CTTNBP2: variants seen among roughly 807,000 people sequenced by gnomAD.
CTTNBP2 encodes the protein cortactin-binding protein 2.
Under a neutral mutation model 156.9 loss-of-function variants are expected in CTTNBP2, and 108 were observed. The ratio of observed to expected loss-of-function variants is 0.69; its 90% CI spans 0.59 to 0.81. The LOEUF (loss-of-function observed/expected upper bound fraction) is 0.81, where lower values mean the gene tolerates loss of function less well. Ranked by LOEUF, CTTNBP2 falls within the 30% of genes least tolerant of loss-of-function variation. The pLI is 0.00. For missense variants in CTTNBP2, 1,924 were observed against 2,035.4 expected, an observed-to-expected ratio of 0.95 and a Z score of 1.05; for synonymous variants, 767 against 751.8, an observed-to-expected ratio of 1.02 and a Z score of -0.33.
In CTTNBP2 at chr7:117,791,937, G is replaced by C. The variant is rs1037574597; in HGVS notation, c.1259C>G (p.Ser420Trp). The C allele has an allele frequency of 1.2e-6, 2 of 1,614,040 alleles. No homozygotes were observed. The highest frequency in any genetic ancestry group is 1.3e-5 in the African/African-American group (1 of 74,932). The stretch of plus-strand genomic sequence containing the variant: ...TAAACTGTGCATAGGTGGAGCTTGC[G>C]AGTTCTGAGGAGCTATGCCTGGTGT... ...AQTPGIAPQN[S>W]QAPPMHSLHS... The change falls in exon 4 of 23, where the codon TCG becomes TGG. Residue 420 changes from serine (S) to tryptophan (W), a missense_variant. Physicochemically the swap from Ser to Trp is radical, Grantham distance 177. Transcript: ENST00000160373.
At chr7:117,719,953 ATGTG>A (rs1794687484) in intron 20 of CTTNBP2, among the ~76,000 whole-genome samples, 1 of 152,184 alleles carries the variant, frequency 6.6e-6, no homozygotes, top group East Asian at 1.9e-4. Context: ...ATAGGGGACA[ATGTG>A]ATAAAATGGG....
At chr7:117,722,628 A>C (rs1158951442) in intron 19 of CTTNBP2, among the ~76,000 whole-genome samples, 1 of 152,178 alleles carries the variant, frequency 6.6e-6, no homozygotes, top group Non-Finnish European at 1.5e-5. Context: ...TACTGCTTTA[A>C]ATTCATATTC....
intron 3 of CTTNBP2, among the ~76,000 whole-genome samples, chr7:117,798,689 G>A (rs1248397187): frequency 6.6e-6 from 1 of 151,960 alleles, no homozygotes; most frequent in Non-Finnish European, 1.5e-5. Flanking sequence ...GGAAAAGATG[G>A]ACAAAGTAAA....
intron 8 of CTTNBP2, among the ~76,000 whole-genome samples, chr7:117,772,643 A>G (rs1450273431): frequency 1.3e-5 from 2 of 152,206 alleles, no homozygotes; most frequent in African/African-American, 4.8e-5. Context: ...AAAACTGGAA[A>G]GTTTGTTCCC....
At chr7:117,810,160 G>A (rs1800184053) in intron 3 of CTTNBP2, among the ~76,000 whole-genome samples, 1 of 152,174 alleles carries the variant, frequency 6.6e-6, no homozygotes, top group Admixed American at 6.6e-5. Flanking sequence ...TGAAACACAT[G>A]TGAGCAGGAG....
intron 2 of CTTNBP2, among the ~76,000 whole-genome samples, chr7:117,844,946 G>A (rs2117155620): frequency 6.6e-6 from 1 of 152,280 alleles, no homozygotes; most frequent in East Asian, 1.9e-4. Flanking sequence ...AAGAAAGTTT[G>A]AAAGAATCTA....
intron 22 of CTTNBP2, among the ~76,000 whole-genome samples, chr7:117,716,341 C>A (rs534457802): frequency 2.0e-5 from 3 of 151,946 alleles, no homozygotes; most frequent in Non-Finnish European, 4.4e-5. Context: ...TAAGCAGCAG[C>A]CATTCTCTAT....
chr7:117,714,084 C>G (rs555780729), intron 22 of CTTNBP2: 1 of 152,324 alleles, frequency 6.6e-6, no homozygotes, highest in African/African-American at 2.4e-5. Context: ...GGGAACACAT[C>G]CTAGTCCATC....
At chr7:117,735,130 C>A (rs1357068701) in intron 15 of CTTNBP2, 30 bp from the exon 16 acceptor site, 7 of 1,604,656 alleles carry the variant, frequency 4.4e-6, no homozygotes, top group Non-Finnish European at 6.0e-6. Context: ...AATGGCCCAT[C>A]CTCAGTGAGT....
intron 14 of CTTNBP2, among the ~76,000 whole-genome samples, chr7:117,741,829 G>T (rs1034056345): frequency 2.0e-5 from 3 of 152,100 alleles, no homozygotes; most frequent in African/African-American, 7.2e-5. Flanking sequence ...AGTTCTACTT[G>T]CTGCCACCTG....
intron 8 of CTTNBP2, among the ~76,000 whole-genome samples, chr7:117,774,570 T>C (rs1156549998): frequency 6.6e-6 from 1 of 152,094 alleles, no homozygotes; most frequent in Non-Finnish European, 1.5e-5. Context: ...GAGATATAGG[T>C]TGCATGCTCC....
chr7:117,711,665 G>A lies in CTTNBP2; in HGVS notation c.4864C>T (p.Gln1622Ter), dbSNP rs1169262080. The A allele has an allele frequency of 6.2e-7, 1 of 1,613,968 alleles. No individual in the cohort carries two copies. The highest frequency in any genetic ancestry group is 8.5e-7 in the Non-Finnish European group (1 of 1,179,924). ...CTTCTTTTGGTGTTCTGGGAACACT[G>A]GGTGACTTTACTTCTAGGAACAGGA... is the stretch of plus-strand genomic sequence containing the variant. ...FLPVPRSKVT[Q>*]CSQNTKRSSS... is the part of the protein sequence containing the mutation. The change falls in exon 23 of 23, where the codon CAG becomes TAG. Residue 1622 changes from glutamine to a stop codon, truncating the protein, a stop_gained. Transcript: ENST00000160373. LOFTEE classifies it high-confidence loss of function.
In CTTNBP2 at chr7:117,711,393, C is replaced by A; in HGVS notation, c.*144G>T. The A allele has an allele frequency of 1.1e-5, 9 of 843,836 alleles. No homozygotes were observed. Among genetic ancestry groups the A allele is most frequent in the East Asian group, 2.9e-5 (1 of 34,716 alleles). 52.3% of individuals were successfully genotyped at this position (843,836 alleles called of 1,614,324 possible). The stretch of plus-strand genomic sequence containing the variant: ...ATGTTGGTTATAAATACATTCTTTA[C>A]AAAAAAAAATTGAATAGTGGTCCCG... On this transcript the variant is annotated 3_prime_UTR_variant, in exon 23 of 23. Transcript: ENST00000160373.
rs779566358 is a variant in CTTNBP2 at position 117,810,832 on chromosome 7, G to A, written c.347C>T (p.Ala116Val). ...CCTTTCTTGCATTTTCTTGCAGTGGGCCATGACTGCTTCAAGGATGGAGAG... is the reference window on the plus strand; with the variant it reads ...CCTTTCTTGCATTTTCTTGCAGTGGACCATGACTGCTTCAAGGATGGAGAG... Reference protein sequence around the residue: ...NPLSILEAVMAHCKKMQERMS... With the variant: ...NPLSILEAVMVHCKKMQERMS... Residue 116 changes from alanine to valine, a missense_variant, in exon 3 of 23, where the codon GCC becomes GTC. Physicochemically the swap from Ala to Val is moderately conservative, Grantham distance 64. Transcript: ENST00000160373. 2.5e-6 allele frequency: 4 copies of A among 1,614,002 alleles called. No individual in the cohort carries two copies. Among genetic ancestry groups the A allele is most frequent in the Non-Finnish European group, 3.4e-6 (4 of 1,179,984 alleles).
intron 14 of CTTNBP2, 103 bp from the exon 15 acceptor site, chr7:117,735,524 T>C: frequency 1.1e-6 from 1 of 935,398 alleles, no homozygotes; most frequent in Non-Finnish European, 1.6e-6. Context: ...AGCAAAGATG[T>C]GGTATAATGG....
At chr7:117,778,882 T>C (rs1161752237) in intron 7 of CTTNBP2, among the ~76,000 whole-genome samples, 1 of 152,214 alleles carries the variant, frequency 6.6e-6, no homozygotes, top group Admixed American at 6.5e-5. Context: ...GTATTTCACA[T>C]TGCTATACTA....
intron 2 of CTTNBP2, among the ~76,000 whole-genome samples, chr7:117,857,310 C>G (rs985830949): frequency 1.3e-5 from 2 of 152,260 alleles, no homozygotes; most frequent in Non-Finnish European, 1.5e-5. Flanking sequence ...TCAATACTAT[C>G]ATGGGCTTTT....
chr7:117,852,894 C>T (rs137907855), intron 2 of CTTNBP2, among the ~76,000 whole-genome samples: 308 of 152,150 alleles, frequency 2.0e-3, no homozygotes, highest in African/African-American at 6.7e-3. Context: ...ATTAATGTTG[C>T]CTTTGGGGGA....
chr7:117,847,039 A>G (rs1369988207), intron 2 of CTTNBP2, among the ~76,000 whole-genome samples: 3 of 152,186 alleles, frequency 2.0e-5, no homozygotes, highest in Non-Finnish European at 4.4e-5. Flanking sequence ...AGAAAGAGCA[A>G]TGATGCCCTG....
Sources: gnomAD v4.1 joint callset for allele counts (sites outside exome capture counted in the v4.1 genomes callset) on GRCh38, gnomAD v4.1.1 for gene constraint, MANE v1.5 for transcripts, NCBI Gene and HGNC (gene_info 2026-07-23, HGNC 2026-07-21) for gene names.